Variants in SHISA6 observed in about 807,000 individuals in gnomAD.
SHISA6 encodes shisa family member 6.
Under a neutral mutation model 47.9 loss-of-function variants are expected in SHISA6, and 22 were observed. The ratio of observed to expected loss-of-function variants is 0.46; its 90% CI spans 0.33 to 0.66. The LOEUF is 0.66. SHISA6 is among the 30% of genes least tolerant of loss of function. SHISA6 has a pLI of 0.02. For missense variants in SHISA6, 680 were observed against 764.6 expected (o/e 0.89, Z 1.30); for synonymous variants, 388 against 337.8 (o/e 1.15, Z -1.63).
chr17:11,316,530 C>T (rs1390124920), intron 2 of SHISA6, among the ~76,000 whole-genome samples: 2 of 150,564 alleles, frequency 1.3e-5, no homozygotes, highest in African/African-American at 4.9e-5. Flanking sequence ...AAGTGATTCT[C>T]CTGCCTCAGC....
rs146043157 is a variant in SHISA6, at chr17:11,507,427, G to A, written c.896-44469G>A. Among the ~76,000 whole-genome samples the A allele has an allele frequency of 1.2e-4, 19 of 152,226 alleles. 1 individual carries two copies. The highest frequency in any genetic ancestry group is 2.6e-4 in the Non-Finnish European group (18 of 68,016). On this transcript the variant is annotated intron_variant, in intron 3 of 5. Coordinates refer to ENST00000441885, the MANE Select transcript of SHISA6 (RefSeq NM_207386.4). Reference sequence around the variant, plus strand: ...GCTTTCCTCTCCACCCAGCCTCTGAGCATCCCTTCTCATCCTTCATGAACC... The same window carrying A: ...GCTTTCCTCTCCACCCAGCCTCTGAACATCCCTTCTCATCCTTCATGAACC...
At chr17:11,377,211 A>AT (rs1222727219) in intron 2 of SHISA6, among the ~76,000 whole-genome samples, 34 of 152,194 alleles carry the variant, frequency 2.2e-4, no homozygotes, top group African/African-American at 7.5e-4. Flanking sequence ...ATGCCCCAGC[A>AT]TTTTTTCTTT....
intron 3 of SHISA6, among the ~76,000 whole-genome samples, chr17:11,402,964 C>T (rs773686121): frequency 1.3e-5 from 2 of 152,208 alleles, no homozygotes; most frequent in Non-Finnish European, 2.9e-5. Flanking sequence ...GAACCTTCTG[C>T]AATGGCTGCC....
chr17:11,557,716 C>T (rs1228413502), intron 5 of SHISA6, 38 bp from the exon 6 acceptor site: 4 of 1,503,034 alleles, frequency 2.7e-6, no homozygotes, highest in Admixed American at 2.1e-5. Flanking sequence ...TGCAGGGTCA[C>T]CCCAGTTGCC....
chr17:11,290,902 T>A (rs948640348), intron 2 of SHISA6: 3 of 152,190 alleles, frequency 2.0e-5, no homozygotes, highest in African/African-American at 7.2e-5. Context: ...TCCCCCATGC[T>A]CTTCGCCTTG....
At chr17:11,266,410 T>C (rs138812774) in intron 2 of SHISA6, among the ~76,000 whole-genome samples, 2 of 152,344 alleles carry the variant, frequency 1.3e-5, no homozygotes, top group Admixed American at 6.5e-5. Flanking sequence ...AATGAGAACC[T>C]GTAATTTGGT....
chr17:11,252,481 A>G (rs1907851742), intron 1 of SHISA6, among the ~76,000 whole-genome samples: 1 of 152,092 alleles, frequency 6.6e-6, no homozygotes, highest in South Asian at 2.1e-4. Context: ...GAATTCTGAA[A>G]GGCTTGGCGG....
chr17:11,285,999 G>A (rs931917673), intron 2 of SHISA6, among the ~76,000 whole-genome samples: 10 of 152,058 alleles, frequency 6.6e-5, no homozygotes, highest in Admixed American at 5.9e-4. Flanking sequence ...ACCACGCCTG[G>A]CTAATATTTT....
chr17:11,472,044 G>A (rs1915946196), intron 3 of SHISA6, among the ~76,000 whole-genome samples: 1 of 152,060 alleles, frequency 6.6e-6, no homozygotes, highest in Admixed American at 6.6e-5. Context: ...CATTATTATA[G>A]TATCTGAGTA....
intron 3 of SHISA6, among the ~76,000 whole-genome samples, chr17:11,454,268 G>A (rs1326488371): frequency 6.6e-6 from 1 of 152,056 alleles, no homozygotes; most frequent in Admixed American, 6.6e-5. Flanking sequence ...CATCACTGCA[G>A]CCTCCTTGAA....
In SHISA6 at chr17:11,357,167, G is replaced by A. The variant is rs561999547; in HGVS notation, c.800-22247G>A. Among the ~76,000 whole-genome samples, 5 of 117,804 alleles carry A rather than the reference G, an allele frequency of 4.2e-5. No individual in the cohort carries two copies. The East Asian group carries it at 1.4e-3, about 33-fold the overall frequency. The allele number at this position is 117,804 out of a possible 152,430, so 77.3% of individuals were successfully genotyped here. ...CCCGCCACTGCACTCCAGCCTGGGC[G>A]ACAGAGCGAGACTCCGTCTCAAAAA... On this transcript the variant is annotated intron_variant, in intron 2 of 5. Coordinates refer to ENST00000441885, the MANE Select transcript of SHISA6 (RefSeq NM_207386.4).
Position 11,362,016 on chromosome 17 carries a change from G to C in SHISA6, c.800-17398G>C, listed in dbSNP as rs564048047. Among the ~76,000 whole-genome samples, 4 of 152,242 alleles carry C rather than the reference G, an allele frequency of 2.6e-5. No individual in the cohort carries two copies. In the South Asian group the frequency reaches 6.2e-4, roughly 24 times the overall value. On this transcript the variant is annotated intron_variant, in intron 2 of 5. Transcript: ENST00000441885. ...AGCCATAGCCATTTGATCAACCGAG[G>C]GGTTTTCCAGGCCCAGGATCAGGTG...
chr17:11,334,939 G>C (rs16944591), intron 2 of SHISA6, among the ~76,000 whole-genome samples: 3,354 of 152,322 alleles, frequency 0.022, 58 homozygotes, highest in African/African-American at 0.055. Flanking sequence ...CTTCTGGCTT[G>C]CACCTGCACG....
Position 11,559,930 on chromosome 17 carries a change from T to C in SHISA6, c.*1626T>C, listed in dbSNP as rs2072025511. 6.6e-6 allele frequency: 1 copy of C among 152,144 alleles called. No individual in the cohort carries two copies. Among genetic ancestry groups the C allele is most frequent in the Non-Finnish European group, 1.5e-5 (1 of 68,058 alleles). 9.4% of individuals were successfully genotyped at this position (152,144 alleles called of 1,614,324 possible). On this transcript the variant is annotated 3_prime_UTR_variant, in exon 6 of 6. Transcript: ENST00000441885. The surrounding 1 kb of genome is among the most constrained non-coding windows in gnomAD (Gnocchi z 4.4). ...CTCAGGGCCAGGGCACCCGCTGGGT[T>C]GGGGCTGGGGGAATCAACTCCAGGC...
At chr17:11,341,431 T>C (rs1239217944) in intron 2 of SHISA6, among the ~76,000 whole-genome samples, 2 of 148,508 alleles carry the variant, frequency 1.3e-5, no homozygotes, top group Non-Finnish European at 3.0e-5. Flanking sequence ...GCCTCCCAGA[T>C]TCAAGTGATT....
intron 2 of SHISA6, among the ~76,000 whole-genome samples, chr17:11,272,160 C>T (rs1908698128): frequency 6.6e-6 from 1 of 152,144 alleles, no homozygotes; most frequent in Non-Finnish European, 1.5e-5. Context: ...CCATCAGAAA[C>T]CCTGCCACTC....
rs112365338 is a variant in SHISA6 at position 11,298,607 on chromosome 17, G to A, written c.799+35081G>A. Among the ~76,000 whole-genome samples the A allele has an allele frequency of 9.6e-4, 146 of 152,370 alleles. 1 individual carries two copies. Among genetic ancestry groups the A allele is most frequent in the African/African-American group, 3.3e-3 (137 of 41,588 alleles). ...GGCCAGTGAGAAAGCAGTGGGGTCA[G>A]TGCCATGGCAGCTGGGGAATGTGCT... On this transcript the variant is annotated intron_variant, in intron 2 of 5. Coordinates refer to ENST00000441885, the MANE Select transcript of SHISA6 (RefSeq NM_207386.4).
At chr17:11,456,689 C>G (rs1449916230) in intron 3 of SHISA6, among the ~76,000 whole-genome samples, 3 of 151,756 alleles carry the variant, frequency 2.0e-5, no homozygotes, top group Non-Finnish European at 4.4e-5. Flanking sequence ...AGCCCTTAGC[C>G]CTCACCAGGG....
chr17:11,286,124 T>C (rs1362113557), intron 2 of SHISA6, among the ~76,000 whole-genome samples: 1 of 152,088 alleles, frequency 6.6e-6, no homozygotes, highest in African/African-American at 2.4e-5. Flanking sequence ...ACTATACCAC[T>C]GGCCACCTCA....
Sources: gnomAD v4.1 joint callset for allele counts (sites outside exome capture counted in the v4.1 genomes callset) on GRCh38, gnomAD v4.1.1 for gene constraint, Gnocchi (gnomAD v3.1) non-coding constraint, MANE v1.5 for transcripts, NCBI Gene and HGNC (gene_info 2026-07-23, HGNC 2026-07-21) for gene names.